Variants in CCDC170 observed in about 807,000 individuals in gnomAD.
CCDC170 encodes coiled-coil domain containing 170.
In CCDC170, 69 loss-of-function variants were observed where a neutral mutation model predicts 72.6. The observed-to-expected ratio is 0.95, with a 90% CI of 0.78 to 1.16. CCDC170 has a LOEUF of 1.16. Ranked by LOEUF, CCDC170 falls within the 50% of genes most tolerant of loss-of-function variation. CCDC170 has a pLI of 0.00. For synonymous variants in CCDC170, 300 were observed against 303.9 expected (o/e 0.99, Z 0.13); for missense variants, 852 against 832.5 (o/e 1.02, Z -0.29).
At chr6:151,572,775 GA>G (rs1776242192) in intron 5 of CCDC170, among the ~76,000 whole-genome samples, 1 of 150,670 alleles carries the variant, frequency 6.6e-6, no homozygotes, top group Admixed American at 6.6e-5. Flanking sequence ...TCAGGCTCCC[GA>G]GTAGCTGGGA....
chr6:151,573,549 C>T (rs1262889588), intron 6 of CCDC170, 58 bp downstream of exon 6: 3 of 1,475,958 alleles, frequency 2.0e-6, no homozygotes, highest in East Asian at 2.3e-5. Context: ...ATTCATTTAG[C>T]ATGCTCAGTG....
intron 10 of CCDC170, 68 bp from the exon 11 acceptor site, chr6:151,617,879 G>A: frequency 2.0e-6 from 3 of 1,477,490 alleles, no homozygotes; most frequent in Non-Finnish European, 2.8e-6. Flanking sequence ...TTTGTTTGTT[G>A]CATTTGGCTC....
intron 1 of CCDC170, among the ~76,000 whole-genome samples, chr6:151,533,724 C>T (rs1583013554): frequency 6.6e-6 from 1 of 151,356 alleles, no homozygotes; most frequent in Admixed American, 6.6e-5. Flanking sequence ...CCACCTCCTT[C>T]ATCTGAAGTC....
intron 4 of CCDC170, among the ~76,000 whole-genome samples, chr6:151,545,158 G>A (rs926331055): frequency 5.9e-5 from 9 of 152,104 alleles, no homozygotes; most frequent in Non-Finnish European, 8.8e-5. Context: ...GGTGACTCAC[G>A]CCTGTAATCC....
intron 5 of CCDC170, among the ~76,000 whole-genome samples, chr6:151,562,394 CT>C (rs1292458095): frequency 1.8e-4 from 27 of 151,930 alleles, no homozygotes; most frequent in Non-Finnish European, 3.2e-4. Context: ...TTTTTAAATT[CT>C]TTTTTTCTCT....
intron 8 of CCDC170, 116 bp from the exon 9 acceptor site, chr6:151,596,219 G>A (rs1776619358): frequency 8.1e-7 from 1 of 1,240,134 alleles, no homozygotes; most frequent in Non-Finnish European, 1.1e-6. Context: ...CTTTTTTGAT[G>A]GTTTACAAAT....
intron 6 of CCDC170, among the ~76,000 whole-genome samples, chr6:151,583,518 C>A (rs368974881): frequency 1.3e-4 from 20 of 152,104 alleles, no homozygotes; most frequent in Admixed American, 7.9e-4. Flanking sequence ...AGTGCAGTGG[C>A]GTGATGTTGG....
At chr6:151,524,929 C>CTTTTTT (rs34288029) in intron 1 of CCDC170, among the ~76,000 whole-genome samples, 111 of 109,998 alleles carry the variant, frequency 1.0e-3, no homozygotes, top group East Asian at 1.2e-3. Flanking sequence ...TAGTCTGATT[C>CTTTTTT]TTTTTTTTTT....
chr6:151,578,505 C>T (rs1179494522), intron 6 of CCDC170, among the ~76,000 whole-genome samples: 1 of 152,158 alleles, frequency 6.6e-6, no homozygotes, highest in Non-Finnish European at 1.5e-5. Context: ...ATAAGGACCT[C>T]AGTCATCTGG....
chr6:151,614,609 C>T (rs1474721851), intron 9 of CCDC170, among the ~76,000 whole-genome samples: 2 of 150,844 alleles, frequency 1.3e-5, no homozygotes, highest in African/African-American at 4.9e-5. Context: ...TGCCTGCCAC[C>T]ATGGCTGGCT....
rs781466443 is a variant in CCDC170, at chr6:151,596,359, G to C, written c.1492G>C (p.Glu498Gln). The change falls in exon 9 of 11, where the codon GAG becomes CAG. Residue 498 changes from glutamate (E) to glutamine (Q), a missense_variant. By Grantham distance (29) the Glu-to-Gln change is conservative. Transcript: ENST00000239374. ...GCTAAAGACACAGAAAGAGAGACTG[G>C]AGAGCAAAGAATTACACATGAGCCT... ...RKLKTQKERL[E>Q]SKELHMSLLR... 3 of 1,613,738 alleles carry C rather than the reference G, an allele frequency of 1.9e-6. No homozygotes were observed. The South Asian group carries it at 3.3e-5, about 18-fold the overall frequency.
At chr6:151,532,083 T>C (rs185322316) in intron 1 of CCDC170, among the ~76,000 whole-genome samples, 2 of 152,172 alleles carry the variant, frequency 1.3e-5, no homozygotes, top group East Asian at 3.9e-4. Flanking sequence ...GGTATAAAAA[T>C]TGGAAAGAAG....
At chr6:151,585,240 C>T (rs1776436107) in intron 6 of CCDC170, among the ~76,000 whole-genome samples, 1 of 152,048 alleles carries the variant, frequency 6.6e-6, no homozygotes. Context: ...ACTCAGATTC[C>T]CCTGCTCTCT....
intron 1 of CCDC170, among the ~76,000 whole-genome samples, chr6:151,522,994 A>G (rs926596435): frequency 6.6e-6 from 1 of 152,212 alleles, no homozygotes; most frequent in Non-Finnish European, 1.5e-5. Context: ...ACAAGATCCA[A>G]GAACCCTCTC....
intron 1 of CCDC170, among the ~76,000 whole-genome samples, chr6:151,503,744 C>T (rs912789476): frequency 4.1e-4 from 63 of 152,246 alleles, no homozygotes; most frequent in African/African-American, 1.3e-3. Context: ...TGAGCCACCG[C>T]GCCCAGCAAT....
At position 151,566,974 on chromosome 6, in the gene CCDC170, G is replaced by A. The variant is rs191065844; in HGVS notation, c.775-6200G>A. 2.6e-5 allele frequency among the ~76,000 whole-genome samples: 4 copies of A among 152,210 alleles called. No individual in the cohort carries two copies. The East Asian group carries it at 5.8e-4, about 22-fold the overall frequency. Reference sequence around the variant, plus strand: ...TCGCTCTTGTTGCCCAGGCTGGAGTGCAATGGTGCGATCTCAGCTCACTGC... The same window carrying A: ...TCGCTCTTGTTGCCCAGGCTGGAGTACAATGGTGCGATCTCAGCTCACTGC... On this transcript the variant is annotated intron_variant, in intron 5 of 10. Transcript: ENST00000239374.
chr6:151,606,539 G>A (rs1203707854), intron 9 of CCDC170, among the ~76,000 whole-genome samples: 2 of 152,152 alleles, frequency 1.3e-5, no homozygotes, highest in African/African-American at 4.8e-5. Flanking sequence ...TGTGTCTAAC[G>A]TATGGTTTAT....
chr6:151,528,470 T>C (rs1215061271), intron 1 of CCDC170, among the ~76,000 whole-genome samples: 1 of 152,242 alleles, frequency 6.6e-6, no homozygotes, highest in Admixed American at 6.5e-5. Context: ...GTGATTTTTG[T>C]CTGTCCTTGT....
rs1782628732 is a variant in CCDC170, at chr6:151,538,426, A to T, written c.443+125A>T. On this transcript the variant is annotated intron_variant, in intron 3 of 10. Transcript: ENST00000239374. ...TGGCCCTTAAACTCAATTTGAAAAAAAGTTATTGACCTCAAATATCTTTGG... is the reference window on the plus strand; with the variant it reads ...TGGCCCTTAAACTCAATTTGAAAAATAGTTATTGACCTCAAATATCTTTGG... The T allele has an allele frequency of 2.6e-5, 25 of 971,732 alleles. No homozygotes were observed. In the East Asian group the frequency reaches 5.8e-4, roughly 23 times the overall value. The allele number at this position is 971,732 out of a possible 1,614,324, so 60.2% of individuals were successfully genotyped here.
Sources: allele counts gnomAD v4.1 joint callset (sites outside exome capture counted in the v4.1 genomes callset), GRCh38; gene constraint gnomAD v4.1.1; transcripts MANE v1.5; gene names NCBI Gene and HGNC (gene_info 2026-07-23, HGNC 2026-07-21).